TMEM131L: variants seen among roughly 807,000 people sequenced by gnomAD.
The protein encoded by TMEM131L is transmembrane protein 131-like.
A neutral mutation model predicts 192.2 loss-of-function variants in TMEM131L; 54 were observed. The observed-to-expected ratio is 0.28, with a 90% CI of 0.23 to 0.35. The LOEUF (loss-of-function observed/expected upper bound fraction) is 0.35. Ranked by LOEUF, TMEM131L falls within the 10% of genes least tolerant of loss-of-function variation. The probability of loss-of-function intolerance (pLI) is 1.00; values close to 1 mark genes in which losing one functional copy is unlikely to be tolerated. For synonymous variants in TMEM131L, 701 were observed against 704.9 expected (o/e 0.99, Z 0.09); for missense variants, 1,888 against 1,972.9 (o/e 0.96, Z 0.82).
At chr4:153,538,068 A>G (rs143155895) in intron 3 of TMEM131L, among the ~76,000 whole-genome samples, 2 of 152,326 alleles carry the variant, frequency 1.3e-5, no homozygotes, top group Non-Finnish European at 2.9e-5. Flanking sequence ...GGAAGGAGGT[A>G]ATGTGTATCG....
At chr4:153,488,360 G>T (rs1434164441) in intron 3 of TMEM131L, among the ~76,000 whole-genome samples, 1 of 152,248 alleles carries the variant, frequency 6.6e-6, no homozygotes, top group Non-Finnish European at 1.5e-5. Flanking sequence ...CACCCCAAGG[G>T]GACTTCCACA....
At chr4:153,488,460 G>A (rs1732521915) in intron 3 of TMEM131L, among the ~76,000 whole-genome samples, 1 of 152,154 alleles carries the variant, frequency 6.6e-6, no homozygotes, top group Admixed American at 6.5e-5. Flanking sequence ...AGGCAGCCGG[G>A]AACTTGGAGA....
In TMEM131L at chr4:153,636,330, T is replaced by C. The variant is rs747318711; in HGVS notation, c.4587T>C (p.Ser1529=). 1 of 1,614,080 alleles carries C rather than the reference T, an allele frequency of 6.2e-7. No homozygotes were observed. ...ACCTCACAAGCACCCGAAGCTTGTC[T>C]CCAATGTCTGGACTTTTTGGTTCCA... The part of the protein sequence containing the change: ...PPYLTSTRSL[S]PMSGLFGSIW... The change falls in exon 35 of 35, where the codon TCT becomes TCC. Residue 1529 remains serine (S), a synonymous_variant. Coordinates refer to ENST00000409959, the MANE Select transcript of TMEM131L (RefSeq NM_001131007.2).
rs1732067704 is a variant in TMEM131L at position 153,604,356 on chromosome 4, C to T, written c.3344C>T (p.Pro1115Leu). Residue 1115 changes from proline (P) to leucine (L), a missense_variant, in exon 25 of 35, where the codon CCT becomes CTT. Pro to Leu is a moderately conservative substitution (Grantham distance 98). Transcript: ENST00000409959. Reference protein sequence around the residue: ...LCPLKTSKKLPENHLPRNSPQ... With the variant: ...LCPLKTSKKLLENHLPRNSPQ... ...CCACTGAAGACCTCCAAGAAACTACCTGAAAACCATTTACCAAGAAACTCA... is the reference window on the plus strand; with the variant it reads ...CCACTGAAGACCTCCAAGAAACTACTTGAAAACCATTTACCAAGAAACTCA... 4.3e-6 allele frequency: 7 copies of T among 1,613,958 alleles called. No homozygotes were observed. Among genetic ancestry groups the T allele is most frequent in the Non-Finnish European group, 5.9e-6 (7 of 1,179,954 alleles).
At position 153,466,501 on chromosome 4, in the gene TMEM131L, C is replaced by T; in HGVS notation, c.104C>T (p.Pro35Leu). 1.4e-6 allele frequency: 2 copies of T among 1,405,648 alleles called. No individual in the cohort carries two copies. The highest frequency in any genetic ancestry group is 1.9e-6 in the Non-Finnish European group (2 of 1,070,366). 87.1% of individuals were successfully genotyped at this position (1,405,648 alleles called of 1,614,324 possible). ...VFQVLLPCCR[P>L]GGAQGQAIEP... ...CAGGTCCTGCTGCCCTGCTGTCGCC[C>T]GGGAGGGGCTCAGGGACAAGGTCAG... Residue 35 changes from proline to leucine, a missense_variant, in exon 1 of 35, where the codon CCG (proline) becomes CTG (leucine). By Grantham distance (98) the Pro-to-Leu change is moderately conservative (BLOSUM62 -3). Coordinates refer to ENST00000409959, the MANE Select transcript of TMEM131L (RefSeq NM_001131007.2).
intron 19 of TMEM131L, among the ~76,000 whole-genome samples, chr4:153,595,162 A>AATTCCT (rs1459668033): frequency 6.6e-6 from 1 of 152,190 alleles, no homozygotes; most frequent in East Asian, 1.9e-4. Context: ...ACTGAGTTAA[A>AATTCCT]ATTTAACTCA....
chr4:153,563,966 G>A (rs574987968), intron 7 of TMEM131L, among the ~76,000 whole-genome samples: 5 of 152,130 alleles, frequency 3.3e-5, no homozygotes, highest in Admixed American at 2.0e-4. Context: ...ATGAGGAGGG[G>A]CCTTCATGAA....
chr4:153,596,451 C>T, intron 20 of TMEM131L, 66 bp downstream of exon 20: 2 of 1,575,256 alleles, frequency 1.3e-6, no homozygotes, highest in South Asian at 2.2e-5. Flanking sequence ...ATCTCTTTAG[C>T]TGATAGTTGA....
In TMEM131L at chr4:153,636,347, T is replaced by C; in HGVS notation, c.4604T>C (p.Phe1535Ser). The C allele has an allele frequency of 6.2e-7, 1 of 1,614,226 alleles. No individual in the cohort carries two copies. The highest frequency in any genetic ancestry group is 8.5e-7 in the Non-Finnish European group (1 of 1,180,044). Residue 1535 changes from phenylalanine (F) to serine (S), a missense_variant, in exon 35 of 35, where the codon TTT becomes TCT. Coordinates refer to ENST00000409959, the MANE Select transcript of TMEM131L (RefSeq NM_001131007.2). ...TRSLSPMSGL[F>S]GSIWAPQSDV... Reference sequence around the variant, plus strand: ...AGCTTGTCTCCAATGTCTGGACTTTTTGGTTCCATCTGGGCCCCGCAAAGC... The same window carrying C: ...AGCTTGTCTCCAATGTCTGGACTTTCTGGTTCCATCTGGGCCCCGCAAAGC...
At chr4:153,493,358 A>AG (rs1480967525) in intron 3 of TMEM131L, among the ~76,000 whole-genome samples, 1 of 139,970 alleles carries the variant, frequency 7.1e-6, no homozygotes, top group African/African-American at 2.7e-5. Flanking sequence ...AAAAAAAAAA[A>AG]AAAAAAAAAG....
chr4:153,554,569 T>C lies in TMEM131L; in HGVS notation c.309-1218T>C, dbSNP rs528852780. ...AGGATACATTTTTAATATCAAAGAT[T>C]TTACCTAATTTTACGGAATTCATTC... is the stretch of plus-strand genomic sequence containing the variant. On this transcript the variant is annotated intron_variant, in intron 4 of 34. Coordinates refer to ENST00000409959, the MANE Select transcript of TMEM131L (RefSeq NM_001131007.2). 1.1e-4 allele frequency among the ~76,000 whole-genome samples: 16 copies of C among 152,342 alleles called. No homozygotes were observed. In the South Asian group the frequency reaches 2.1e-3, roughly 20 times the overall value.
In TMEM131L at chr4:153,615,407, G is replaced by A. The variant is rs111930116; in HGVS notation, c.3567+3007G>A. On this transcript the variant is annotated intron_variant, in intron 26 of 34. Transcript: ENST00000409959. ...TAGGCCTGGAGCTTGAGGTTTGGGC[G>A]TTACCCATGTGGTGGTTGGACATGG... 2.4e-4 allele frequency among the ~76,000 whole-genome samples: 36 copies of A among 152,294 alleles called. No homozygotes were observed. The Middle Eastern group carries it at 0.01, about 43-fold the overall frequency.
At chr4:153,585,016 A>G in intron 12 of TMEM131L, 85 bp downstream of exon 12, 1 of 1,070,752 alleles carries the variant, frequency 9.3e-7, no homozygotes, top group Non-Finnish European at 1.4e-6. Context: ...ATATAGTGAT[A>G]TGATTTGTGT....
At position 153,604,059 on chromosome 4, in the gene TMEM131L, CTGCTAAAGAGGACATT is replaced by C; in HGVS notation, c.3051_3066del (p.Lys1018LeufsTer17). The C allele has an allele frequency of 6.2e-7, 1 of 1,614,188 alleles. No individual in the cohort carries two copies. Reference sequence around the variant, plus strand: ...TCACCCCTGGGCAGCTCACTGCCTGCTGCTAAAGAGGACATTTGCACTGATGCCATGCGTGAGAACT... The same window carrying C: ...TCACCCCTGGGCAGCTCACTGCCTGCTGCACTGATGCCATGCGTGAGAACT... On this transcript the variant is annotated frameshift_variant, in exon 25 of 35. Transcript: ENST00000409959. LOFTEE classifies it high-confidence loss of function.
rs536783152 is a variant in TMEM131L at position 153,587,978 on chromosome 4, G to A, written c.1552+167G>A. On this transcript the variant is annotated intron_variant, in intron 15 of 34. Transcript: ENST00000409959. ...ACTTAAAATTGTTAAGAACCCTCCA[G>A]AAACACCTGGGGTACTGTAAATAAT... Among the ~76,000 whole-genome samples, 137 of 148,748 alleles carry A rather than the reference G, an allele frequency of 9.2e-4. 1 individual carries two copies. Among genetic ancestry groups the A allele is most frequent in the African/African-American group, 2.8e-3 (115 of 40,420 alleles).
At position 153,589,095 on chromosome 4, in the gene TMEM131L, AC is replaced by A. The variant is rs550951090; in HGVS notation, c.1670+94del. The stretch of plus-strand genomic sequence containing the variant: ...CTTACCTGCGGGGACACATTCTAAG[AC>A]CCCCCTCTCACCCCACCGTAGATGC... On this transcript the variant is annotated intron_variant, in intron 16 of 34. Coordinates refer to ENST00000409959, the MANE Select transcript of TMEM131L (RefSeq NM_001131007.2). 416 of 714,718 alleles carry A rather than the reference AC, an allele frequency of 5.8e-4. 6 individuals carry two copies. Among genetic ancestry groups the A allele is most frequent in the South Asian group, 5.0e-3 (309 of 61,484 alleles). The allele number at this position is 714,718 out of a possible 1,614,324, so 44.3% of individuals were successfully genotyped here.
At chr4:153,521,905 G>T (rs550640506) in intron 3 of TMEM131L, among the ~76,000 whole-genome samples, 7 of 147,932 alleles carry the variant, frequency 4.7e-5, no homozygotes, top group African/African-American at 1.5e-4. Flanking sequence ...TATTACACAA[G>T]AAGTGCATGT....
Position 153,466,394 on chromosome 4 carries a change from C to G in TMEM131L, c.-4C>G, listed in dbSNP as rs754211581. 2.2e-5 allele frequency: 29 copies of G among 1,320,996 alleles called. No individual in the cohort carries two copies. In the South Asian group the frequency reaches 5.6e-4, roughly 25 times the overall value. The allele number at this position is 1,320,996 out of a possible 1,614,324, so 81.8% of individuals were successfully genotyped here. A position where few individuals can be genotyped will look rare whatever the true frequency, so the allele number is the denominator to read the frequency against. ...GAGCAACGGAGAGGAGCGCGAGCAG[C>G]AGCATGGCGGGGCTCCGACGCCCGC... On this transcript the variant is annotated 5_prime_UTR_variant, in exon 1 of 35. Transcript: ENST00000409959.
chr4:153,586,169 T>C, intron 13 of TMEM131L, 40 bp from the exon 14 acceptor site: 2 of 1,388,688 alleles, frequency 1.4e-6, no homozygotes, highest in Non-Finnish European at 2.0e-6. Flanking sequence ...TCATAATTAG[T>C]GTTAGGAAAA....
Sources: allele counts gnomAD v4.1 joint callset (sites outside exome capture counted in the v4.1 genomes callset), GRCh38; gene constraint gnomAD v4.1.1; transcripts MANE v1.5; gene names NCBI Gene and HGNC (gene_info 2026-07-23, HGNC 2026-07-21).